ANKS6: variants seen among roughly 807,000 people sequenced by gnomAD.
The protein encoded by ANKS6 is ankyrin repeat and SAM domain-containing protein 6.
A neutral mutation model predicts 77.9 loss-of-function variants in ANKS6; 47 were observed. That is an observed-to-expected ratio of 0.60 (90% confidence interval 0.48 to 0.77). The LOEUF is 0.77. Among genes scored for constraint, ANKS6 ranks in the 30% least tolerant of loss-of-function variants. The pLI, the probability that ANKS6 is intolerant of heterozygous loss-of-function variation, is 0.00. For missense variants in ANKS6, 1,150 were observed against 1,159.1 expected, an observed-to-expected ratio of 0.99 and a Z score of 0.11; for synonymous variants, 488 against 501.7, an observed-to-expected ratio of 0.97 and a Z score of 0.37.
chr9:98,790,665 T>G, intron 1 of ANKS6, 59 bp from the exon 2 acceptor site: 2 of 1,553,588 alleles, frequency 1.3e-6, no homozygotes, highest in South Asian at 2.4e-5. Context: ...GGCCAGCTTA[T>G]GTCATCCTTA....
chr9:98,733,350 GGT>G lies in ANKS6; in HGVS notation c.*3167_*3168del. 1 of 985,476 alleles carries G rather than the reference GGT, an allele frequency of 1.0e-6. No individual in the cohort carries two copies. Among genetic ancestry groups the G allele is most frequent in the Non-Finnish European group, 1.2e-6 (1 of 829,984 alleles). 61.0% of individuals were successfully genotyped at this position (985,476 alleles called of 1,614,324 possible). Reference sequence around the variant, plus strand: ...CGACACACCAGCAAGACACTGCCTGGGTGCTGGGAAACAATGCCCTCCACCCT... The same window carrying G: ...CGACACACCAGCAAGACACTGCCTGGGCTGGGAAACAATGCCCTCCACCCT... On this transcript the variant is annotated 3_prime_UTR_variant, in exon 15 of 15. Coordinates refer to ENST00000353234, the MANE Select transcript of ANKS6 (RefSeq NM_173551.5).
intron 7 of ANKS6, 89 bp downstream of exon 7, chr9:98,778,137 T>C: frequency 1.4e-6 from 2 of 1,460,452 alleles, no homozygotes; most frequent in Non-Finnish European, 9.3e-7. Context: ...ATCTTACCCC[T>C]GACAGCAACC....
chr9:98,787,669 A>G (rs555741751), intron 2 of ANKS6, among the ~76,000 whole-genome samples: 1 of 152,328 alleles, frequency 6.6e-6, no homozygotes, highest in African/African-American at 2.4e-5. Flanking sequence ...AAAATTTTAC[A>G]GGCCTGATCT....
chr9:98,780,436 G>T, intron 5 of ANKS6, 99 bp from the exon 6 acceptor site: 1 of 1,344,684 alleles, frequency 7.4e-7, no homozygotes. Flanking sequence ...ACTCAGCCCT[G>T]CAGCTCCAGG....
At position 98,796,224 on chromosome 9, in the gene ANKS6, G is replaced by A. The variant is rs748155709; in HGVS notation, c.268C>T (p.His90Tyr). 7.1e-6 allele frequency: 10 copies of A among 1,408,908 alleles called. No homozygotes were observed. The highest frequency in any genetic ancestry group is 3.0e-5 in the South Asian group (2 of 66,990). 87.3% of individuals were successfully genotyped at this position (1,408,908 alleles called of 1,614,324 possible). Residue 90 changes from histidine to tyrosine, a missense_variant, in exon 1 of 15, where the codon CAC becomes TAC. His to Tyr is a moderately conservative substitution (Grantham distance 83). Coordinates refer to ENST00000353234, the MANE Select transcript of ANKS6 (RefSeq NM_173551.5). ...TALQFAAAGG[H>Y]EPLVRFLLRR... ...AGCAGGAAGCGCACCAGCGGTTCGT[G>A]GCCCCCGGCCGCGGCGAACTGCAGT...
intron 2 of ANKS6, among the ~76,000 whole-genome samples, chr9:98,787,140 A>G (rs1201125398): frequency 6.6e-6 from 1 of 152,112 alleles, no homozygotes; most frequent in East Asian, 1.9e-4. Context: ...ATTTCCGGGA[A>G]CTGCACAGTA....
At chr9:98,760,554 A>G (rs766123048) in intron 11 of ANKS6, among the ~76,000 whole-genome samples, 5 of 152,228 alleles carry the variant, frequency 3.3e-5, no homozygotes, top group Non-Finnish European at 7.3e-5. Context: ...GTATGACAGG[A>G]AACTGGATGA....
In ANKS6 at chr9:98,734,303, G is replaced by C. The variant is rs960056697; in HGVS notation, c.*2216C>G. The C allele has an allele frequency of 1.1e-4, 112 of 985,472 alleles. 1 individual carries two copies. The Middle Eastern group carries it at 2.1e-3, about 18-fold the overall frequency. The allele number at this position is 985,472 out of a possible 1,614,324, so 61.0% of individuals were successfully genotyped here. ...CCCGCTCTGTCCAGGGTCATCCAAT[G>C]AGTTCATGGAGGTCTACATTTGTGA... is the stretch of plus-strand genomic sequence containing the variant. On this transcript the variant is annotated 3_prime_UTR_variant, in exon 15 of 15. Transcript: ENST00000353234.
At chr9:98,778,815 A>G (rs939336889) in intron 6 of ANKS6, among the ~76,000 whole-genome samples, 1 of 152,226 alleles carries the variant, frequency 6.6e-6, no homozygotes, top group African/African-American at 2.4e-5. Context: ...AAGCGTCTAC[A>G]ATAGCATAAT....
chr9:98,762,937 C>T (rs896683353), intron 11 of ANKS6, among the ~76,000 whole-genome samples: 1 of 151,898 alleles, frequency 6.6e-6, no homozygotes. Flanking sequence ...ACATAGGGGT[C>T]AATTCTCCAA....
intron 2 of ANKS6, among the ~76,000 whole-genome samples, chr9:98,786,169 G>A (rs1183658555): frequency 6.6e-6 from 1 of 152,162 alleles, no homozygotes; most frequent in Non-Finnish European, 1.5e-5. Context: ...AGTAGAGACG[G>A]GGTTTTGCCA....
chr9:98,741,252 G>C (rs1398750840), intron 14 of ANKS6, among the ~76,000 whole-genome samples: 1 of 152,176 alleles, frequency 6.6e-6, no homozygotes, highest in Non-Finnish European at 1.5e-5. Context: ...GCATATTAAA[G>C]AAAGCAGGAT....
At chr9:98,787,988 C>A (rs1283115026) in intron 2 of ANKS6, among the ~76,000 whole-genome samples, 2 of 152,236 alleles carry the variant, frequency 1.3e-5, no homozygotes, top group East Asian at 3.8e-4. Context: ...ATCACTCCAG[C>A]ACCCATTTGT....
chr9:98,765,574 C>G (rs1248698429), intron 11 of ANKS6, among the ~76,000 whole-genome samples: 6 of 152,136 alleles, frequency 3.9e-5, no homozygotes, highest in African/African-American at 1.4e-4. Flanking sequence ...GAACTGCCCA[C>G]ATAAGTCCAG....
chr9:98,753,539 G>T (rs1832539071), intron 12 of ANKS6, among the ~76,000 whole-genome samples: 1 of 151,850 alleles, frequency 6.6e-6, no homozygotes, highest in Non-Finnish European at 1.5e-5. Flanking sequence ...CGGATTGCTT[G>T]AGACCAGGGA....
At chr9:98,772,292 C>A (rs1280580874) in intron 9 of ANKS6, among the ~76,000 whole-genome samples, 1 of 152,170 alleles carries the variant, frequency 6.6e-6, no homozygotes, top group African/African-American at 2.4e-5. Context: ...AGCAATGTGA[C>A]CACGGAGGCC....
rs951314896 is a variant in ANKS6, at chr9:98,735,600, C to T, written c.*919G>A. On this transcript the variant is annotated 3_prime_UTR_variant, in exon 15 of 15. Transcript: ENST00000353234. ...CCTTTACACAATGTGACCCATTAGC[C>T]TTCTGCTTCCACTTTCAGTGCAGAA... 14 of 1,231,368 alleles carry T rather than the reference C, an allele frequency of 1.1e-5. No individual in the cohort carries two copies. The highest frequency in any genetic ancestry group is 4.1e-5 in the South Asian group (1 of 24,168). The allele number at this position is 1,231,368 out of a possible 1,614,324, so 76.3% of individuals were successfully genotyped here. A position where few individuals can be genotyped will look rare whatever the true frequency, so the allele number is the denominator to read the frequency against.
chr9:98,784,824 G>A lies in ANKS6; in HGVS notation c.907+8C>T, dbSNP rs775680028. On this transcript the variant is annotated splice_region_variant and intron_variant, in intron 3 of 14. Transcript: ENST00000353234. ...TAAATATCCAAAAAGATTTTCTAAA[G>A]CGCTTACCCATTTTCAATGCATGGA... 3.6e-5 allele frequency: 58 copies of A among 1,611,880 alleles called. No homozygotes were observed. The highest frequency in any genetic ancestry group is 4.2e-5 in the Non-Finnish European group (49 of 1,179,008).
intron 5 of ANKS6, 63 bp downstream of exon 5, chr9:98,782,404 G>A (rs1834321173): frequency 6.9e-7 from 1 of 1,450,332 alleles, no homozygotes; most frequent in South Asian, 1.2e-5. Context: ...GGAGGTGCCT[G>A]TCTTGACTCC....
Sources: gnomAD v4.1 joint callset for allele counts (sites outside exome capture counted in the v4.1 genomes callset) on GRCh38, gnomAD v4.1.1 for gene constraint, MANE v1.5 for transcripts, NCBI Gene and HGNC (gene_info 2026-07-23, HGNC 2026-07-21) for gene names.